Variants in VANGL1 observed in about 807,000 individuals in gnomAD.
VANGL1 encodes vang-like protein 1.
Under a neutral mutation model 48.4 loss-of-function variants are expected in VANGL1, and 18 were observed. The observed-to-expected ratio is 0.37, with a 90% CI of 0.26 to 0.55. VANGL1 has a LOEUF of 0.55. VANGL1 is among the 20% of genes least tolerant of loss of function. The probability of loss-of-function intolerance (pLI) is 0.81; values close to 1 mark genes in which losing one functional copy is unlikely to be tolerated. For synonymous variants in VANGL1, 257 were observed against 261.8 expected, an observed-to-expected ratio of 0.98 and a Z score of 0.18; for missense variants, 667 against 675.8, an observed-to-expected ratio of 0.99 and a Z score of 0.14.
intron 4 of VANGL1, among the ~76,000 whole-genome samples, chr1:115,673,286 C>T (rs1305030718): frequency 6.6e-6 from 1 of 152,180 alleles, no homozygotes; most frequent in Admixed American, 6.5e-5. Context: ...TTGCCGCTTA[C>T]CTGCCTCCAC....
At chr1:115,651,224 C>T in intron 1 of VANGL1, 53 bp from the exon 2 acceptor site, 1 of 599,858 alleles carries the variant, frequency 1.7e-6, no homozygotes, top group South Asian at 2.0e-5. Flanking sequence ...CTTTCAGCCC[C>T]ATTAAGGTTG....
Position 115,664,236 on chromosome 1 carries a change from C to T in VANGL1, c.780C>T (p.Gly260=), listed in dbSNP as rs373473714. The change falls in exon 4 of 8, where the codon GGC becomes GGT. Residue 260 remains glycine (G), a synonymous_variant. Transcript: ENST00000355485. ...TGCAGGTGGTCCGCTCCACCGATGGCGAGTCCCGCTTCTACAGCCTGGGAC... is the reference window on the plus strand; with the variant it reads ...TGCAGGTGGTCCGCTCCACCGATGGTGAGTCCCGCTTCTACAGCCTGGGAC... The part of the protein sequence containing the change: ...FTLQVVRSTD[G]ESRFYSLGHL... 238 of 1,613,852 alleles carry T rather than the reference C, an allele frequency of 1.5e-4. No individual in the cohort carries two copies. Among genetic ancestry groups the T allele is most frequent in the Non-Finnish European group, 1.8e-4 (209 of 1,179,970 alleles).
chr1:115,659,763 AG>A lies in VANGL1; in HGVS notation c.196del (p.Glu66LysfsTer57), dbSNP rs760102976. 3 of 1,614,152 alleles carry A rather than the reference AG, an allele frequency of 1.9e-6. No individual in the cohort carries two copies. Among genetic ancestry groups the A allele is most frequent in the Non-Finnish European group, 2.5e-6 (3 of 1,180,032 alleles). On this transcript the variant is annotated frameshift_variant, in exon 3 of 8. Transcript: ENST00000355485. LOFTEE classifies it high-confidence loss of function. ...TTGGGAAATGATTCTACTCGGACAG[AG>A]GAAGTTCAGGTAAGGATCAAAGGTG... ...PLLGNDSTRT[E>X]EVQDDNWGET...
chr1:115,670,870 A>G (rs1652947719), intron 4 of VANGL1, among the ~76,000 whole-genome samples: 1 of 152,254 alleles, frequency 6.6e-6, no homozygotes, highest in Non-Finnish European at 1.5e-5. Context: ...AAGAACAAGT[A>G]AGGGCTGAAA....
intron 4 of VANGL1, among the ~76,000 whole-genome samples, chr1:115,666,283 G>A (rs1161022059): frequency 6.6e-6 from 1 of 152,172 alleles, no homozygotes; most frequent in Non-Finnish European, 1.5e-5. Context: ...GCAGGGTGGT[G>A]GGACCGACTT....
intron 4 of VANGL1, among the ~76,000 whole-genome samples, chr1:115,671,737 C>T (rs11589195): frequency 0.33 from 49,583 of 152,042 alleles, 8,559 homozygotes; most frequent in Admixed American, 0.4. Flanking sequence ...GTTTGTGCCG[C>T]GGCCTACAAG....
chr1:115,676,031 T>C (rs546494544), intron 4 of VANGL1, among the ~76,000 whole-genome samples: 1 of 152,344 alleles, frequency 6.6e-6, no homozygotes, highest in East Asian at 1.9e-4. Context: ...ATGCTTATTA[T>C]TAGTAATGCG....
chr1:115,685,386 G>A lies in VANGL1; in HGVS notation c.1173G>A (p.Arg391=). 6.2e-7 allele frequency: 1 copy of A among 1,614,134 alleles called. No individual in the cohort carries two copies. The highest frequency in any genetic ancestry group is 2.2e-5 in the East Asian group (1 of 44,874). ...CCCCAGGGGAGGTGATGGACCCTAG[G>A]GAGGCCGCCCAGGCCATTTTCCCCT... The part of the protein sequence containing the change: ...QKAPGEVMDP[R]EAAQAIFPSM... Residue 391 remains arginine, a synonymous_variant, in exon 7 of 8, where the codon AGG becomes AGA. Transcript: ENST00000355485.
rs1009946726 is a variant in VANGL1, at chr1:115,664,091, G to A, written c.635G>A (p.Arg212Gln). 1.7e-5 allele frequency: 28 copies of A among 1,613,960 alleles called. No homozygotes were observed. The highest frequency in any genetic ancestry group is 6.7e-5 in the African/African-American group (5 of 74,876). Reference sequence around the variant, plus strand: ...TACGGGGTCCGCATTTTGGACTCTCGGGACCGGAATTACCAGGGCATTGTG... The same window carrying A: ...TACGGGGTCCGCATTTTGGACTCTCAGGACCGGAATTACCAGGGCATTGTG... Reference protein sequence around the residue: ...LFYGVRILDSRDRNYQGIVQY... With the variant: ...LFYGVRILDSQDRNYQGIVQY... The change falls in exon 4 of 8, where the codon CGG becomes CAG. Residue 212 changes from arginine to glutamine, a missense_variant. By Grantham distance (43) the Arg-to-Gln change is conservative. Coordinates refer to ENST00000355485, the MANE Select transcript of VANGL1 (RefSeq NM_138959.3).
chr1:115,681,491 C>CTTTT (rs1287173554), intron 4 of VANGL1, among the ~76,000 whole-genome samples: 5 of 113,658 alleles, frequency 4.4e-5, no homozygotes, highest in Admixed American at 9.8e-5. Flanking sequence ...CGGAGGCTCT[C>CTTTT]TTTTTTTTGT....
chr1:115,650,193 A>G (rs955267860), intron 1 of VANGL1, among the ~76,000 whole-genome samples: 1 of 152,134 alleles, frequency 6.6e-6, no homozygotes, highest in Admixed American at 6.5e-5. Flanking sequence ...GGGTTAGGGT[A>G]TGGCATTTAC....
At chr1:115,651,224 C>A in intron 1 of VANGL1, 53 bp from the exon 2 acceptor site, 1 of 599,858 alleles carries the variant, frequency 1.7e-6, no homozygotes. Context: ...CTTTCAGCCC[C>A]ATTAAGGTTG....
chr1:115,684,633 A>G (rs944563144), intron 6 of VANGL1, among the ~76,000 whole-genome samples: 4 of 152,114 alleles, frequency 2.6e-5, no homozygotes, highest in South Asian at 2.1e-4. Flanking sequence ...ACCCTACCCA[A>G]TAGGTGTGGA....
intron 1 of VANGL1, among the ~76,000 whole-genome samples, chr1:115,643,158 T>C (rs1468164774): frequency 6.6e-6 from 1 of 152,242 alleles, no homozygotes; most frequent in Non-Finnish European, 1.5e-5. Flanking sequence ...TAGAAATGAA[T>C]GTATTCTTAG....
At chr1:115,644,744 A>G (rs2101287388) in intron 1 of VANGL1, among the ~76,000 whole-genome samples, 1 of 152,332 alleles carries the variant, frequency 6.6e-6, no homozygotes, top group East Asian at 1.9e-4. Flanking sequence ...GCAAGCAAAT[A>G]TACATCACAT....
intron 7 of VANGL1, 67 bp from the exon 8 acceptor site, chr1:115,691,052 C>A: frequency 6.2e-7 from 1 of 1,610,456 alleles, no homozygotes. Context: ...GAGTGGATAG[C>A]CGCCTGGCAG....
At position 115,677,181 on chromosome 1, in the gene VANGL1, C is replaced by T. The variant is rs150114358; in HGVS notation, c.813-5183C>T. Among the ~76,000 whole-genome samples the T allele has an allele frequency of 1.3e-4, 20 of 152,282 alleles. 1 individual carries two copies. The East Asian group carries it at 3.9e-3, about 29-fold the overall frequency. On this transcript the variant is annotated intron_variant, in intron 4 of 7. Transcript: ENST00000355485. ...CAGAATTTATCTTTAAAAAATATGT[C>T]TTTCAGATTTTTGTGCATTAACATT...
Position 115,664,137 on chromosome 1 carries a change from G to A in VANGL1, c.681G>A (p.Val227=), listed in dbSNP as rs201698322. Residue 227 remains valine, a synonymous_variant, in exon 4 of 8, where the codon GTG becomes GTA. Transcript: ENST00000355485. The part of the protein sequence containing the change: ...QGIVQYAVSL[V]DALLFIHYLA... ...TTGTGCAATATGCAGTCTCCCTTGT[G>A]GATGCCCTCCTCTTCATCCATTACC... 17 of 1,614,164 alleles carry A rather than the reference G, an allele frequency of 1.1e-5. No individual in the cohort carries two copies. In the Admixed American group the frequency reaches 1.5e-4, roughly 14 times the overall value.
chr1:115,697,012 T>G lies in VANGL1; in HGVS notation c.*5633T>G, dbSNP rs4348723. On this transcript the variant is annotated 3_prime_UTR_variant, in exon 8 of 8. Transcript: ENST00000355485. ...TACAGTTGTTTGGTTTTGTATGTGC[T>G]TATCTTTATCTGAGCTTTCACTTGT... 36,869 of 152,180 alleles carry G rather than the reference T, an allele frequency of 0.24. 4,604 individuals carry two copies. The highest frequency in any genetic ancestry group is 0.35 in the East Asian group (1,801 of 5,168). The allele number at this position is 152,180 out of a possible 1,614,324, so 9.4% of individuals were successfully genotyped here. A position where few individuals can be genotyped will look rare whatever the true frequency, so the allele number is the denominator to read the frequency against.
Sources: allele counts gnomAD v4.1 joint callset (sites outside exome capture counted in the v4.1 genomes callset), GRCh38; gene constraint gnomAD v4.1.1; transcripts MANE v1.5; gene names NCBI Gene and HGNC (gene_info 2026-07-23, HGNC 2026-07-21).